APC: variants seen among roughly 807,000 people sequenced by gnomAD.
The protein encoded by APC is APC regulator of Wnt signaling pathway, also known as adenomatous polyposis coli protein.
A neutral mutation model predicts 247.0 loss-of-function variants in APC; 72 were observed. That is an observed-to-expected ratio of 0.29 (90% CI 0.24 to 0.35). The LOEUF (loss-of-function observed/expected upper bound fraction) is 0.35, where lower values mean the gene tolerates loss of function less well. Ranked by LOEUF, APC falls within the 10% of genes least tolerant of loss-of-function variation. The pLI is 1.00. For synonymous variants in APC, 1,254 were observed against 1,162.5 expected, an observed-to-expected ratio of 1.08 and a Z score of -1.60; for missense variants, 3,400 against 3,360.7, an observed-to-expected ratio of 1.01 and a Z score of -0.29.
At chr5:112,800,486 TACG>T (rs1580451967) in intron 7 of APC, among the ~76,000 whole-genome samples, 1 of 152,336 alleles carries the variant, frequency 6.6e-6, no homozygotes, top group East Asian at 1.9e-4. Context: ...TTAAAGAAAT[TACG>T]TTAGGAATCA....
At chr5:112,792,900 A>T (rs1247264498) in intron 7 of APC, among the ~76,000 whole-genome samples, 1 of 152,172 alleles carries the variant, frequency 6.6e-6, no homozygotes, top group African/African-American at 2.4e-5. Context: ...CATTAAAGTG[A>T]TAGTAAAAGG....
intron 8 of APC, among the ~76,000 whole-genome samples, chr5:112,805,819 T>C (rs1211238439): frequency 6.6e-6 from 1 of 152,228 alleles, no homozygotes; most frequent in Non-Finnish European, 1.5e-5. Flanking sequence ...AGTAATTCTC[T>C]TCACCACCAC....
rs369238363 is a variant in APC at position 112,767,244 on chromosome 5, C to T, written c.276C>T (p.Ser92=). 9 of 1,613,936 alleles carry T rather than the reference C, an allele frequency of 5.6e-6. No homozygotes were observed. In the African/African-American group the frequency reaches 1.2e-4, roughly 22 times the overall value. ...FPGVKLRSKM[S]LRSYGSREGS... ...GAGTAAAACTGCGGTCAAAAATGTC[C>T]CTCCGTTCTTATGGAAGCCGGGAAG... is the stretch of plus-strand genomic sequence containing the variant. The change falls in exon 4 of 16, where the codon TCC becomes TCT. Residue 92 remains serine, a synonymous_variant. Transcript: ENST00000257430.
rs1474810408 is a variant in APC at position 112,822,122 on chromosome 5, TATC to T, written c.1408+133_1408+135del. 3.9e-5 allele frequency: 26 copies of T among 672,370 alleles called. No individual in the cohort carries two copies. In the East Asian group the frequency reaches 6.9e-4, roughly 18 times the overall value. 41.7% of individuals were successfully genotyped at this position (672,370 alleles called of 1,614,324 possible). ...AGGATATAAGGCCACCAACTTCTGT[TATC>T]AGCTGCTTCCTCTGTGTAGCAAAAA... On this transcript the variant is annotated intron_variant, in intron 11 of 15. Transcript: ENST00000257430.
At position 112,843,863 on chromosome 5, in the gene APC, G is replaced by T. The variant is rs1766699228; in HGVS notation, c.8269G>T (p.Val2757Leu). 6.2e-7 allele frequency: 1 copy of T among 1,613,996 alleles called. No homozygotes were observed. The change falls in exon 16 of 16, where the codon GTG becomes TTG. Residue 2757 changes from valine to leucine, a missense_variant. Physicochemically the swap from Val to Leu is conservative, Grantham distance 32 (BLOSUM62 1). This residue lies in a region of APC where 1,788 missense variants were observed against 1,649.5 expected (regional missense o/e 1.08). Transcript: ENST00000257430. This position sits in a 1 kb window ranked among gnomAD's most constrained non-coding sequence, Gnocchi z 4.8. ...ATCAGAGACTAATGAAAGTTCTATA[G>T]TGGAACGTACCCCATTCAGTTCTAG... ...PVSETNESSI[V>L]ERTPFSSSSS...
intron 11 of APC, among the ~76,000 whole-genome samples, chr5:112,824,151 T>C (rs1763414074): frequency 6.6e-6 from 1 of 152,216 alleles, no homozygotes; most frequent in Admixed American, 6.5e-5. Context: ...CTACTATCGG[T>C]AGTTTTACCC....
intron 14 of APC, among the ~76,000 whole-genome samples, chr5:112,831,102 C>T (rs1294131999): frequency 6.6e-6 from 1 of 151,874 alleles, no homozygotes; most frequent in African/African-American, 2.4e-5. Context: ...AGGACCTAAA[C>T]TCTTCTATAA....
chr5:112,707,980 G>C (rs1750625218), intron 1 of APC: 3 of 1,199,176 alleles, frequency 2.5e-6, no homozygotes, highest in Non-Finnish European at 3.2e-6. Flanking sequence ...GCCCGACTCT[G>C]TGGCTCTCTT....
chr5:112,746,941 C>T (rs1753752501), intron 1 of APC, among the ~76,000 whole-genome samples: 1 of 122,138 alleles, frequency 8.2e-6, no homozygotes. Context: ...ATAAGGTGGC[C>T]ACACAAGGGT....
At position 112,827,966 on chromosome 5, in the gene APC, T is replaced by C; in HGVS notation, c.1586T>C (p.Leu529Pro). ...TCTATGAAAGGCTGCATGAGAGCAC[T>C]TGTGGCCCAACTAAAATCTGAAAGT... The part of the protein sequence containing the change: ...LCSMKGCMRA[L>P]VAQLKSESED... Residue 529 changes from leucine to proline, a missense_variant, in exon 13 of 16, where the codon CTT (leucine) becomes CCT (proline). Leu to Pro is a moderately conservative substitution (Grantham distance 98). Around this residue, in one of 9 missense-constraint regions of APC, gnomAD observed 184 missense variants for 248.0 expected, o/e 0.74. Transcript: ENST00000257430. 6.2e-7 allele frequency: 1 copy of C among 1,613,344 alleles called. No homozygotes were observed. Among genetic ancestry groups the C allele is most frequent in the Non-Finnish European group, 8.5e-7 (1 of 1,179,936 alleles).
At chr5:112,814,664 G>A (rs1762316400) in intron 8 of APC, among the ~76,000 whole-genome samples, 1 of 152,102 alleles carries the variant, frequency 6.6e-6, no homozygotes, top group Non-Finnish European at 1.5e-5. Context: ...ATCTCTCCGT[G>A]CTGTTTTTAA....
chr5:112,745,177 T>TA (rs1247124293), intron 1 of APC, among the ~76,000 whole-genome samples: 1 of 152,206 alleles, frequency 6.6e-6, no homozygotes, highest in African/African-American at 2.4e-5. Flanking sequence ...ACATTTTTAG[T>TA]AAAATTTTTA....
In APC at chr5:112,742,510, A is replaced by G. The variant is rs371617654; in HGVS notation, c.-19+4585A>G. The stretch of plus-strand genomic sequence containing the variant: ...AGCAGTCACGATGTCAGTCACAGAT[A>G]CAGTCATCTGAAGGGCTTGACTAGA... On this transcript the variant is annotated intron_variant, in intron 1 of 15. Coordinates refer to ENST00000257430, the MANE Select transcript of APC (RefSeq NM_000038.6). Among the ~76,000 whole-genome samples, 6 of 152,338 alleles carry G rather than the reference A, an allele frequency of 3.9e-5. No homozygotes were observed. The East Asian group carries it at 7.7e-4, about 20-fold the overall frequency.
At chr5:112,811,097 G>A (rs972194249) in intron 8 of APC, among the ~76,000 whole-genome samples, 7 of 152,158 alleles carry the variant, frequency 4.6e-5, no homozygotes, top group Non-Finnish European at 7.4e-5. Flanking sequence ...GGAGCATGAA[G>A]TAAAATGTTG....
chr5:112,762,825 A>T (rs1321236594), intron 2 of APC, among the ~76,000 whole-genome samples: 1 of 152,226 alleles, frequency 6.6e-6, no homozygotes, highest in Non-Finnish European at 1.5e-5. Context: ...GTTGTGCCTC[A>T]ATAAAACAGG....
intron 12 of APC, among the ~76,000 whole-genome samples, chr5:112,827,711 T>C (rs1275023523): frequency 2.0e-5 from 3 of 152,254 alleles, no homozygotes; most frequent in Non-Finnish European, 4.4e-5. Context: ...CTTATTCACT[T>C]TATTTCTCTA....
upstream of APC, among the ~76,000 whole-genome samples, chr5:112,734,863 T>C (rs1474875586): frequency 6.6e-6 from 1 of 150,466 alleles, no homozygotes; most frequent in Non-Finnish European, 1.5e-5. Context: ...TGATCTCGGC[T>C]CACTGCAGCC....
chr5:112,781,661 C>T (rs1326851427), intron 6 of APC, among the ~76,000 whole-genome samples: 1 of 151,956 alleles, frequency 6.6e-6, no homozygotes, highest in Admixed American at 6.6e-5. Flanking sequence ...ATTTTGTATT[C>T]TATAAAACAT....
At position 112,838,091 on chromosome 5, in the gene APC, A is replaced by G. The variant is rs1331549900; in HGVS notation, c.2497A>G (p.Ser833Gly). Reference protein sequence around the residue: ...SPYLNTTVLPSSSSSRGSLDS... With the variant: ...SPYLNTTVLPGSSSSRGSLDS... ...ATATTTGAATACTACAGTGTTACCC[A>G]GCTCCTCTTCATCAAGAGGAAGCTT... The change falls in exon 16 of 16, where the codon AGC (serine) becomes GGC (glycine). Residue 833 changes from serine (S) to glycine (G), a missense_variant. This residue lies in a region of APC where 715 missense variants were observed against 656.6 expected (regional missense o/e 1.09). Transcript: ENST00000257430. The G allele has an allele frequency of 6.2e-7, 1 of 1,614,200 alleles. No homozygotes were observed. The highest frequency in any genetic ancestry group is 8.5e-7 in the Non-Finnish European group (1 of 1,180,034).
Sources: gnomAD v4.1 joint callset for allele counts (sites outside exome capture counted in the v4.1 genomes callset) on GRCh38, gnomAD v4.1.1 for gene constraint, gnomAD v4.1.1 regional missense constraint, Gnocchi (gnomAD v3.1) non-coding constraint, MANE v1.5 for transcripts, NCBI Gene and HGNC (gene_info 2026-07-23, HGNC 2026-07-21) for gene names.